The following STAU1 variants were observed in gnomAD, a reference collection of about 807,000 sequenced individuals.
The protein encoded by STAU1 is staufen double-stranded RNA binding protein 1.
In STAU1, 13 loss-of-function variants were observed where a neutral mutation model predicts 62.9. That is an observed-to-expected ratio of 0.21 (90% CI 0.13 to 0.33). The LOEUF is 0.33. Ranked by LOEUF, STAU1 falls within the 10% of genes least tolerant of loss-of-function variation. The probability of loss-of-function intolerance (pLI) is 1.00; values close to 1 mark genes in which losing one functional copy is unlikely to be tolerated. For synonymous variants in STAU1, 269 were observed against 265.1 expected (o/e 1.01, Z -0.14); for missense variants, 571 against 712.1 (o/e 0.80, Z 2.25).
At chr20:49,134,821 C>T (rs968431447) in intron 6 of STAU1, 69 of 1,444,282 alleles carry the variant, frequency 4.8e-5, no homozygotes, top group South Asian at 1.9e-4. Context: ...TTCCACTTCA[C>T]GCAATTTATA....
At chr20:49,170,413 C>T (rs1237776666) in intron 2 of STAU1, among the ~76,000 whole-genome samples, 5 of 152,146 alleles carry the variant, frequency 3.3e-5, no homozygotes, top group African/African-American at 4.8e-5. Flanking sequence ...TGCAGTGGCA[C>T]GATCTTGGCT....
chr20:49,131,861 A>T (rs1178990563), intron 6 of STAU1, among the ~76,000 whole-genome samples: 1 of 151,694 alleles, frequency 6.6e-6, no homozygotes, highest in Non-Finnish European at 1.5e-5. Context: ...AAAAAACAAA[A>T]GGAAGGAAGG....
At chr20:49,140,237 G>A (rs1404636881) in intron 5 of STAU1, among the ~76,000 whole-genome samples, 1 of 151,706 alleles carries the variant, frequency 6.6e-6, no homozygotes, top group Non-Finnish European at 1.5e-5. Context: ...CAGTTGCTAT[G>A]GAAAACAGCT....
At chr20:49,200,245 C>T in the STAU1 span, among the ~76,000 whole-genome samples, 2 of 152,164 alleles carry the variant, frequency 1.3e-5, no homozygotes, top group African/African-American at 4.8e-5. Context: ...TGTCCTTCAA[C>T]AGGTGACTGG....
At chr20:49,200,449 A>T in the STAU1 span, among the ~76,000 whole-genome samples, 1 of 152,012 alleles carries the variant, frequency 6.6e-6, no homozygotes, top group South Asian at 2.1e-4. Context: ...ATACAAAAAA[A>T]ATTTAGCTGG....
chr20:49,173,256 G>A (rs970387340), intron 2 of STAU1, among the ~76,000 whole-genome samples: 16 of 151,738 alleles, frequency 1.1e-4, no homozygotes, highest in Admixed American at 2.0e-4. Context: ...TCAGGAGTTC[G>A]AGACCAGCCT....
At chr20:49,147,218 G>A (rs2093148561) in intron 5 of STAU1, among the ~76,000 whole-genome samples, 1 of 152,060 alleles carries the variant, frequency 6.6e-6, no homozygotes, top group African/African-American at 2.4e-5. Context: ...TTCCATCCTT[G>A]CACTAAATGC....
chr20:49,166,005 G>C lies in STAU1; in HGVS notation c.197C>G (p.Ala66Gly). Residue 66 changes from alanine (A) to glycine (G), a missense_variant, in exon 3 of 14, where the codon GCA (alanine) becomes GGA (glycine). This residue lies in a region of STAU1 where 414 missense variants were observed against 499.6 expected (regional missense o/e 0.83). Coordinates refer to ENST00000371856, the MANE Select transcript of STAU1 (RefSeq NM_017453.4). ...LPSASITSTS[A>G]AAESITPTVE... ...TGGATTCATATGCTTACCTGCAGCT[G>C]CACTGGTGGATGTAATAGATGCAGA... The C allele has an allele frequency of 1.2e-6, 2 of 1,614,096 alleles. No homozygotes were observed. Among genetic ancestry groups the C allele is most frequent in the South Asian group, 1.1e-5 (1 of 91,080 alleles).
chr20:49,146,858 T>C lies in STAU1; in HGVS notation c.510+4724A>G, dbSNP rs190820079. Among the ~76,000 whole-genome samples, 209 of 152,110 alleles carry C rather than the reference T, an allele frequency of 1.4e-3. 2 individuals are homozygous for C. Among genetic ancestry groups the C allele is most frequent in the African/African-American group, 4.7e-3 (195 of 41,520 alleles). ...CACTCTGGTACTCAGGGGATAAACG[T>C]AGCCAAGTTTTTAACCACTTTCCTA... is the stretch of plus-strand genomic sequence containing the variant. On this transcript the variant is annotated intron_variant, in intron 5 of 13. Transcript: ENST00000371856.
chr20:49,156,728 T>C (rs919015454), intron 3 of STAU1, among the ~76,000 whole-genome samples: 1 of 152,212 alleles, frequency 6.6e-6, no homozygotes, highest in Non-Finnish European at 1.5e-5. Context: ...GACTGTAATA[T>C]GTCACTTGAA....
At chr20:49,202,018 A>T in the STAU1 span, among the ~76,000 whole-genome samples, 1 of 150,692 alleles carries the variant, frequency 6.6e-6, no homozygotes, top group Non-Finnish European at 1.5e-5. Flanking sequence ...CAGGAGATTG[A>T]GACCATCCTG....
intron 3 of STAU1, among the ~76,000 whole-genome samples, chr20:49,160,160 T>C (rs868818989): frequency 1.6e-4 from 25 of 152,270 alleles, no homozygotes; most frequent in South Asian, 6.2e-4. Context: ...AACAAAAAAG[T>C]AGTAACTTGC....
At chr20:49,167,632 A>G (rs191887227) in intron 2 of STAU1, among the ~76,000 whole-genome samples, 175 of 152,326 alleles carry the variant, frequency 1.1e-3, no homozygotes, top group Non-Finnish European at 1.7e-3. Flanking sequence ...CTTAGAAGAC[A>G]AGTCGCCAGT....
intron 3 of STAU1, among the ~76,000 whole-genome samples, chr20:49,156,845 CA>C (rs1397472772): frequency 2.7e-5 from 4 of 149,196 alleles, no homozygotes; most frequent in Non-Finnish European, 4.4e-5. Context: ...TAAACAACAA[CA>C]AAAAAAAGAG....
At chr20:49,207,879 A>T in the STAU1 span, among the ~76,000 whole-genome samples, 2 of 150,250 alleles carry the variant, frequency 1.3e-5, no homozygotes, top group African/African-American at 4.9e-5. Context: ...TGACCAAGAT[A>T]ATTTTATTTT....
At chr20:49,147,185 C>T (rs150504842) in intron 5 of STAU1, among the ~76,000 whole-genome samples, 190 of 152,300 alleles carry the variant, frequency 1.2e-3, no homozygotes, top group Non-Finnish European at 2.0e-3. Context: ...AGATACTTTA[C>T]GTTCTTCTAA....
intron 1 of STAU1, among the ~76,000 whole-genome samples, chr20:49,175,645 A>G (rs908176168): frequency 2.7e-5 from 4 of 150,906 alleles, no homozygotes; most frequent in Middle Eastern, 3.2e-3. Flanking sequence ...ACGCCTGGCT[A>G]ATTTTTTTAT....
the STAU1 span, among the ~76,000 whole-genome samples, chr20:49,206,424 T>G: frequency 2.9e-5 from 4 of 140,270 alleles, no homozygotes; most frequent in East Asian, 8.1e-4. Context: ...GTTTTTTTTT[T>G]TTTTTTTTTT....
At chr20:49,144,321 AGG>A (rs2093075392) in intron 5 of STAU1, among the ~76,000 whole-genome samples, 2 of 151,764 alleles carry the variant, frequency 1.3e-5, no homozygotes, top group Non-Finnish European at 2.9e-5. Context: ...AGGATGGGAG[AGG>A]TTCTTGTCGA....
Sources: allele counts gnomAD v4.1 joint callset (sites outside exome capture counted in the v4.1 genomes callset), GRCh38; gene constraint gnomAD v4.1.1; regional missense constraint gnomAD v4.1.1; transcripts MANE v1.5; gene names NCBI Gene and HGNC (gene_info 2026-07-23, HGNC 2026-07-21).